TEK: variants seen among roughly 807,000 people sequenced by gnomAD.
TEK encodes TEK receptor tyrosine kinase.
In TEK, 43 loss-of-function variants were observed where a neutral mutation model predicts 131.8. The ratio of observed to expected loss-of-function variants is 0.33; its 90% CI spans 0.26 to 0.42. The LOEUF is 0.42. Among genes scored for constraint, TEK ranks in the 10% least tolerant of loss-of-function variants. The pLI is 1.00. For synonymous variants in TEK, 580 were observed against 491.6 expected (o/e 1.18, Z -2.38); for missense variants, 1,162 against 1,384.4 (o/e 0.84, Z 2.55).
intron 14 of TEK, 128 bp from the exon 15 acceptor site, chr9:27,206,454 C>A: frequency 9.0e-7 from 1 of 1,111,018 alleles, no homozygotes; most frequent in Non-Finnish European, 1.3e-6. Flanking sequence ...AACCTATTTC[C>A]CTTTCCAGTC....
rs767813511 is a variant in TEK at position 27,204,928 on chromosome 9, G to C, written c.2227G>C (p.Gly743Arg). The C allele has an allele frequency of 1.2e-6, 2 of 1,613,910 alleles. No individual in the cohort carries two copies. The highest frequency in any genetic ancestry group is 1.1e-5 in the South Asian group (1 of 91,078). Residue 743 changes from glycine (G) to arginine (R), a missense_variant, in exon 14 of 23, where the codon GGG becomes CGG. Gly to Arg is a moderately radical substitution (Grantham distance 125). This residue lies in a region of TEK where 477 missense variants were observed against 471.0 expected (regional missense o/e 1.01). Coordinates refer to ENST00000380036, the MANE Select transcript of TEK (RefSeq NM_000459.5). The part of the protein sequence containing the change: ...PESQAPADLG[G>R]GKMLLIAILG... ...CTGCACAGCACCAGCGGACCTCGGAGGGGGGAAGATGCTGCTTATAGCCAT... is the reference window on the plus strand; with the variant it reads ...CTGCACAGCACCAGCGGACCTCGGACGGGGGAAGATGCTGCTTATAGCCAT...
At chr9:27,115,122 G>A (rs901560049) in intron 1 of TEK, among the ~76,000 whole-genome samples, 1 of 152,126 alleles carries the variant, frequency 6.6e-6, no homozygotes. Flanking sequence ...AGCAAATAAA[G>A]GTATTTACAA....
intron 19 of TEK, among the ~76,000 whole-genome samples, chr9:27,218,254 C>T (rs1165583435): frequency 2.5e-5 from 1 of 40,426 alleles, no homozygotes; most frequent in African/African-American, 1.7e-4. Flanking sequence ...AAAACCAAGG[C>T]CCCGAGGGTG....
rs761823555 is a variant in TEK at position 27,218,828 on chromosome 9, A to G, written c.3103+11A>G. 3.1e-6 allele frequency: 5 copies of G among 1,613,546 alleles called. No individual in the cohort carries two copies. The highest frequency in any genetic ancestry group is 2.2e-5 in the East Asian group (1 of 44,870). On this transcript the variant is annotated intron_variant, in intron 20 of 22. Coordinates refer to ENST00000380036, the MANE Select transcript of TEK (RefSeq NM_000459.5). ...AGATTGTTAGCTTAGGTGAGTATCTATGTTTATCTACCAGGTGAGACTCTA... is the reference window on the plus strand; with the variant it reads ...AGATTGTTAGCTTAGGTGAGTATCTGTGTTTATCTACCAGGTGAGACTCTA...
chr9:27,220,161 T>A lies in TEK; in HGVS notation c.3200+16T>A, dbSNP rs377599022. 6.2e-7 allele frequency: 1 copy of A among 1,612,712 alleles called. No homozygotes were observed. Among genetic ancestry groups the A allele is most frequent in the African/African-American group, 1.3e-5 (1 of 74,880 alleles). ...ATGATGAGGTGTAAGTCAGGCCTCA[T>A]CCTGGGGCTATTTTGTCTTACCTTC... On this transcript the variant is annotated intron_variant, in intron 21 of 22. Coordinates refer to ENST00000380036, the MANE Select transcript of TEK (RefSeq NM_000459.5).
rs757847270 is a variant in TEK, at chr9:27,190,680, A to C, written c.1479A>C (p.Gln493His). 6.2e-7 allele frequency: 1 copy of C among 1,613,968 alleles called. No homozygotes were observed. The highest frequency in any genetic ancestry group is 1.7e-5 in the Admixed American group (1 of 60,016). ...CCGTTAATCACTATGAGGCTTGGCAACATATTCAAGGTAAGCTTTGGACAG... is the reference window on the plus strand; with the variant it reads ...CCGTTAATCACTATGAGGCTTGGCACCATATTCAAGGTAAGCTTTGGACAG... ...YKPVNHYEAW[Q>H]HIQVTNEIVT... The change falls in exon 10 of 23, where the codon CAA becomes CAC. Residue 493 changes from glutamine (Q) to histidine (H), a missense_variant. Physicochemically the swap from Gln to His is conservative, Grantham distance 24 (BLOSUM62 0). Coordinates refer to ENST00000380036, the MANE Select transcript of TEK (RefSeq NM_000459.5).
chr9:27,120,351 A>G (rs932965953), intron 1 of TEK, among the ~76,000 whole-genome samples: 6 of 152,180 alleles, frequency 3.9e-5, no homozygotes, highest in African/African-American at 1.4e-4. Context: ...TTACTTATTT[A>G]TGATTAGAGG....
intron 1 of TEK, among the ~76,000 whole-genome samples, chr9:27,143,229 C>G (rs905395108): frequency 2.6e-5 from 4 of 152,140 alleles, no homozygotes; most frequent in African/African-American, 9.7e-5. Flanking sequence ...AGAGCATTGG[C>G]AAGAGAGGGT....
chr9:27,150,928 G>T (rs912349780), intron 1 of TEK, among the ~76,000 whole-genome samples: 1 of 152,156 alleles, frequency 6.6e-6, no homozygotes, highest in Non-Finnish European at 1.5e-5. Flanking sequence ...GGTGCCATTT[G>T]GCTGGAAAGC....
At chr9:27,118,793 A>G (rs1821668804) in intron 1 of TEK, among the ~76,000 whole-genome samples, 1 of 152,146 alleles carries the variant, frequency 6.6e-6, no homozygotes, top group African/African-American at 2.4e-5. Context: ...CAGTTGGTTC[A>G]AACAGAAGAT....
chr9:27,114,570 CA>C (rs199588889), intron 1 of TEK, among the ~76,000 whole-genome samples: 5 of 129,728 alleles, frequency 3.9e-5, no homozygotes, highest in Non-Finnish European at 5.3e-5. Flanking sequence ...GACTCCGTCT[CA>C]AAAAAAAATA....
In TEK at chr9:27,185,615, A is replaced by G. The variant is rs189543659; in HGVS notation, c.1313A>G (p.Asn438Ser). 308 of 1,613,690 alleles carry G rather than the reference A, an allele frequency of 1.9e-4. 2 individuals carry two copies. In the Admixed American group the frequency reaches 2.2e-3, roughly 11 times the overall value. Reference sequence around the variant, plus strand: ...GCTGGGATGGTGGAAAAGCCCTTCAACATTTCTGTTAAAGGTAAGTTCATT... The same window carrying G: ...GCTGGGATGGTGGAAAAGCCCTTCAGCATTTCTGTTAAAGGTAAGTTCATT... ...TVAGMVEKPF[N>S]ISVKVLPKPL... Residue 438 changes from asparagine (N) to serine (S), a missense_variant, in exon 9 of 23, where the codon AAC (asparagine) becomes AGC (serine). This residue lies in a region of TEK where 477 missense variants were observed against 471.0 expected (regional missense o/e 1.01). Transcript: ENST00000380036.
intron 1 of TEK, among the ~76,000 whole-genome samples, chr9:27,134,078 T>C (rs1480009685): frequency 6.6e-6 from 1 of 152,198 alleles, no homozygotes; most frequent in Non-Finnish European, 1.5e-5. Context: ...TGCTCGTATG[T>C]AGAGGCTGGT....
At chr9:27,210,751 A>G (rs949275437) in intron 16 of TEK, 4 of 152,226 alleles carry the variant, frequency 2.6e-5, no homozygotes, top group African/African-American at 9.7e-5. Flanking sequence ...TCTTGGGAAA[A>G]AAAACCACAA....
Position 27,205,113 on chromosome 9 carries a change from G to A in TEK, c.2364+48G>A, listed in dbSNP as rs1587011558. The stretch of plus-strand genomic sequence containing the variant: ...GCTAATAAGGGCAAGTCCAAGTACA[G>A]GCAGAACCTTCACTTTAAAGATATG... On this transcript the variant is annotated intron_variant, in intron 14 of 22. Transcript: ENST00000380036. The A allele has an allele frequency of 3.1e-6, 5 of 1,609,972 alleles. No individual in the cohort carries two copies. The East Asian group carries it at 1.1e-4, about 36-fold the overall frequency.
intron 3 of TEK, among the ~76,000 whole-genome samples, chr9:27,169,237 C>G (rs1420561302): frequency 6.6e-6 from 1 of 152,190 alleles, no homozygotes; most frequent in African/African-American, 2.4e-5. Flanking sequence ...TAGACCACCC[C>G]CATCTTCATG....
intron 21 of TEK, among the ~76,000 whole-genome samples, chr9:27,225,793 AACAGGCAACCTACAG>A (rs1161455736): frequency 6.6e-6 from 1 of 152,226 alleles, no homozygotes; most frequent in Non-Finnish European, 1.5e-5. Context: ...CATCAGAGTG[AACAGGCAACCTACAG>A]AATGGGAGAA....
At chr9:27,126,510 A>G (rs150934992) in intron 1 of TEK, among the ~76,000 whole-genome samples, 87 of 152,350 alleles carry the variant, frequency 5.7e-4, no homozygotes, top group African/African-American at 2.0e-3. Context: ...TTGAGGTTAC[A>G]AATAAATTCT....
chr9:27,136,984 C>A lies in TEK; in HGVS notation c.53-20847C>A, dbSNP rs777882534. Reference sequence around the variant, plus strand: ...AGGCTGGAGTGCAGTGGCGCAGTCTCGGCTCACTGCAACCTCTGCCTCCCG... The same window carrying A: ...AGGCTGGAGTGCAGTGGCGCAGTCTAGGCTCACTGCAACCTCTGCCTCCCG... On this transcript the variant is annotated intron_variant, in intron 1 of 22. Transcript: ENST00000380036. Among the ~76,000 whole-genome samples the A allele has an allele frequency of 2.0e-5, 3 of 152,092 alleles. No homozygotes were observed. The South Asian group carries it at 6.2e-4, about 32-fold the overall frequency.
Sources: gnomAD v4.1 joint callset for allele counts (sites outside exome capture counted in the v4.1 genomes callset) on GRCh38, gnomAD v4.1.1 for gene constraint, gnomAD v4.1.1 regional missense constraint, MANE v1.5 for transcripts, NCBI Gene and HGNC (gene_info 2026-07-23, HGNC 2026-07-21) for gene names.